Variants in IGSF10 observed in about 807,000 individuals in gnomAD.
The protein encoded by IGSF10 is calvaria mechanical force protein 608.
Under a neutral mutation model 128.2 loss-of-function variants are expected in IGSF10, and 126 were observed. The observed-to-expected ratio is 0.98, with a 90% CI of 0.85 to 1.14. The LOEUF is 1.14. Among genes scored for constraint, IGSF10 ranks in the 50% most tolerant of loss-of-function variants. The pLI is 0.00. For missense variants in IGSF10, 3,295 were observed against 3,149.8 expected (o/e 1.05, Z -1.10); for synonymous variants, 1,185 against 1,146.2 (o/e 1.03, Z -0.68).
chr3:151,438,629 A>T lies in IGSF10; in HGVS notation c.5964-32T>A, dbSNP rs750903543. The T allele has an allele frequency of 3.2e-6, 5 of 1,552,796 alleles. No individual in the cohort carries two copies. The Admixed American group carries it at 8.9e-5, about 28-fold the overall frequency. On this transcript the variant is annotated intron_variant, in intron 7 of 7. Transcript: ENST00000282466. Reference sequence around the variant, plus strand: ...AGAAAAGAGATTCATTTGAGTGTGCAGCTGTTAGCAATGAGGGAAACTGTT... The same window carrying T: ...AGAAAAGAGATTCATTTGAGTGTGCTGCTGTTAGCAATGAGGGAAACTGTT...
chr3:151,461,664 G>A (rs540267296), upstream of IGSF10, among the ~76,000 whole-genome samples: 1 of 152,176 alleles, frequency 6.6e-6, no homozygotes, highest in East Asian at 1.9e-4. Context: ...ATTAACTATA[G>A]TCCTCTTGCA....
the IGSF10 span, among the ~76,000 whole-genome samples, chr3:151,513,257 C>T: frequency 5.4e-4 from 82 of 152,128 alleles, no homozygotes; most frequent in African/African-American, 1.9e-3. Flanking sequence ...CATCAAAAAG[C>T]TTATTCACCA....
At chr3:151,433,180 T>A (rs12635196), downstream of IGSF10, 1 of 148,042 alleles carries the variant, frequency 6.8e-6, no homozygotes, top group Non-Finnish European at 1.4e-5. Context: ...TGACGTTGTT[T>A]TTTTTTTTTT....
chr3:151,473,721 G>C, the IGSF10 span, among the ~76,000 whole-genome samples: 1 of 152,262 alleles, frequency 6.6e-6, no homozygotes. Flanking sequence ...AATGTAACTA[G>C]GGGGCCCTTT....
At chr3:151,570,489 T>C in the IGSF10 span, among the ~76,000 whole-genome samples, 2 of 152,260 alleles carry the variant, frequency 1.3e-5, no homozygotes, top group Admixed American at 6.5e-5. Flanking sequence ...TGGCCAGTGA[T>C]GATGAGCATT....
At chr3:151,474,805 T>A in the IGSF10 span, among the ~76,000 whole-genome samples, 1 of 152,048 alleles carries the variant, frequency 6.6e-6, no homozygotes, top group Admixed American at 6.6e-5. Context: ...TCACATATTA[T>A]GTGGATGGCA....
chr3:151,617,922 C>T, the IGSF10 span, among the ~76,000 whole-genome samples: 1 of 152,022 alleles, frequency 6.6e-6, no homozygotes, highest in Non-Finnish European at 1.5e-5. Flanking sequence ...TGCTCTAGCC[C>T]CCTCATCATG....
At position 151,443,578 on chromosome 3, in the gene IGSF10, G is replaced by A; in HGVS notation, c.5369C>T (p.Ser1790Leu). The change falls in exon 7 of 8, where the codon TCA (serine) becomes TTA (leucine). Residue 1790 changes from serine to leucine, a missense_variant. Ser to Leu is a moderately radical substitution (Grantham distance 145). Transcript: ENST00000282466. Reference protein sequence around the residue: ...ILANQTVVSESSQGSRQAVVT... With the variant: ...ILANQTVVSELSQGSRQAVVT... The stretch of plus-strand genomic sequence containing the variant: ...CACAGCCTGCCTACTTCCCTGGGAT[G>A]ATTCTGAGACAACTGTTTGGTTTGC... 6.2e-7 allele frequency: 1 copy of A among 1,614,260 alleles called. No homozygotes were observed. Among genetic ancestry groups the A allele is most frequent in the Non-Finnish European group, 8.5e-7 (1 of 1,180,048 alleles).
chr3:151,531,014 G>GC, the IGSF10 span, among the ~76,000 whole-genome samples: 1 of 151,888 alleles, frequency 6.6e-6, no homozygotes. Flanking sequence ...CAAATGGGAA[G>GC]CAAAAAAAGG....
chr3:151,459,776 T>G (rs1390336589), intron 2 of IGSF10, among the ~76,000 whole-genome samples: 1 of 152,240 alleles, frequency 6.6e-6, no homozygotes, highest in East Asian at 1.9e-4. Flanking sequence ...ATTGTGCTTT[T>G]CCAAGCAAAA....
the IGSF10 span, among the ~76,000 whole-genome samples, chr3:151,594,549 C>T: frequency 6.6e-6 from 1 of 151,442 alleles, no homozygotes; most frequent in Admixed American, 6.6e-5. Flanking sequence ...TCTCTATCTC[C>T]TGACCTCGTG....
At chr3:151,518,597 G>A in the IGSF10 span, among the ~76,000 whole-genome samples, 1 of 151,964 alleles carries the variant, frequency 6.6e-6, no homozygotes, top group African/African-American at 2.4e-5. Flanking sequence ...CAGAGAGGGT[G>A]TTTTTCAAAA....
At chr3:151,541,862 A>G in the IGSF10 span, among the ~76,000 whole-genome samples, 1 of 105,750 alleles carries the variant, frequency 9.5e-6, no homozygotes, top group Non-Finnish European at 1.9e-5. Context: ...AAGCAAGCTA[A>G]GCATGGCCAC....
In IGSF10 at chr3:151,448,319, G is replaced by T. The variant is rs748106682; in HGVS notation, c.1662C>A (p.Ser554Arg). The change falls in exon 6 of 8, where the codon AGC becomes AGA. Residue 554 changes from serine to arginine, a missense_variant. By Grantham distance (110) the Ser-to-Arg change is moderately radical. Coordinates refer to ENST00000282466, the MANE Select transcript of IGSF10 (RefSeq NM_178822.5). ...TGAGAATATCTGCATCATCATAATT[G>T]CTGCTTATACAGTGATATACGCCTG... ...FDTGVYHCISSNYDDADILTY... is the reference protein window; with the variant it reads ...FDTGVYHCISRNYDDADILTY... The T allele has an allele frequency of 8.7e-6, 14 of 1,614,036 alleles. No homozygotes were observed. In the South Asian group the frequency reaches 1.5e-4, roughly 18 times the overall value.
chr3:151,540,083 C>A, the IGSF10 span, among the ~76,000 whole-genome samples: 2 of 152,054 alleles, frequency 1.3e-5, no homozygotes, highest in Admixed American at 6.6e-5. Context: ...AAATCAGAAG[C>A]CTATCCCTCA....
chr3:151,551,372 TCA>T, the IGSF10 span, among the ~76,000 whole-genome samples: 3 of 152,120 alleles, frequency 2.0e-5, no homozygotes, highest in African/African-American at 7.2e-5. Context: ...TCCTCAGGTA[TCA>T]CAGTCAGCCC....
the IGSF10 span, among the ~76,000 whole-genome samples, chr3:151,502,094 C>T: frequency 6.6e-6 from 1 of 152,012 alleles, no homozygotes; most frequent in Non-Finnish European, 1.5e-5. Context: ...TACTCTTGGC[C>T]TTATTTAAGT....
chr3:151,550,400 G>C, the IGSF10 span, among the ~76,000 whole-genome samples: 1 of 151,832 alleles, frequency 6.6e-6, no homozygotes, highest in East Asian at 1.9e-4. Context: ...TCTTGTGTCC[G>C]GGCCAATAGA....
At chr3:151,492,281 A>G in the IGSF10 span, among the ~76,000 whole-genome samples, 1 of 152,180 alleles carries the variant, frequency 6.6e-6, no homozygotes, top group African/African-American at 2.4e-5. Flanking sequence ...ACTAATGAGG[A>G]GGGAAATGCA....
Sources: gnomAD v4.1 joint callset for allele counts (sites outside exome capture counted in the v4.1 genomes callset) on GRCh38, gnomAD v4.1.1 for gene constraint, MANE v1.5 for transcripts, NCBI Gene and HGNC (gene_info 2026-07-23, HGNC 2026-07-21) for gene names.